Variants in PREX1 observed in about 807,000 individuals in gnomAD.
The protein encoded by PREX1 is phosphatidylinositol-3,4,5-trisphosphate dependent Rac exchange factor 1, also known as phosphatidylinositol 3,4,5-trisphosphate-dependent Rac exchanger 1 protein.
A neutral mutation model predicts 198.3 loss-of-function variants in PREX1; 41 were observed. The observed-to-expected ratio is 0.21, with a 90% CI of 0.16 to 0.27. The LOEUF is 0.27. PREX1 is among the 10% of genes least tolerant of loss of function. The pLI is 1.00. For synonymous variants in PREX1, 843 were observed against 887.2 expected, an observed-to-expected ratio of 0.95 and a Z score of 0.89; for missense variants, 1,620 against 2,200.7, an observed-to-expected ratio of 0.74 and a Z score of 5.28.
chr20:48,637,595 G>T, intron 31 of PREX1, 116 bp downstream of exon 31: 1 of 1,065,726 alleles, frequency 9.4e-7, no homozygotes, highest in Non-Finnish European at 1.3e-6. Flanking sequence ...GCTCTTGGAG[G>T]GGCTCCAGGC....
At chr20:48,626,075 G>A (rs1418979552) in intron 39 of PREX1, 148 bp from the exon 40 acceptor site, 1 of 878,582 alleles carries the variant, frequency 1.1e-6, no homozygotes, top group Admixed American at 3.7e-5. Flanking sequence ...TATCTATGCT[G>A]TCCATGCCTT....
Position 48,772,734 on chromosome 20 carries a change from C to T in PREX1, c.220-24854G>A, listed in dbSNP as rs372885686. ...GGGCTAGGACTCACCCTGTCCACTG[C>T]CGTCCAGCCAGGATGGCCGCATGGC... On this transcript the variant is annotated intron_variant, in intron 1 of 39. Coordinates refer to ENST00000371941, the MANE Select transcript of PREX1 (RefSeq NM_020820.4). Among the ~76,000 whole-genome samples, 99 of 152,306 alleles carry T rather than the reference C, an allele frequency of 6.5e-4. No individual in the cohort carries two copies. The Middle Eastern group carries it at 0.014, about 21-fold the overall frequency.
intron 3 of PREX1, among the ~76,000 whole-genome samples, chr20:48,743,371 C>T (rs1478629836): frequency 1.3e-5 from 2 of 152,214 alleles, no homozygotes; most frequent in Non-Finnish European, 2.9e-5. Flanking sequence ...ACCATCTCCA[C>T]TGCTACCATG....
chr20:48,794,090 G>A (rs1163556591), intron 1 of PREX1, among the ~76,000 whole-genome samples: 1 of 152,158 alleles, frequency 6.6e-6, no homozygotes, highest in East Asian at 1.9e-4. Flanking sequence ...AGAGTGGGAG[G>A]ACCCCCTTAT....
intron 1 of PREX1, among the ~76,000 whole-genome samples, 195 bp from the exon 2 acceptor site, chr20:48,748,075 C>T (rs1407978540): frequency 4.6e-5 from 7 of 152,276 alleles, no homozygotes; most frequent in South Asian, 4.1e-4. Context: ...CACTCCCACA[C>T]GGTCACCAGG....
chr20:48,652,408 C>T (rs1360131005), intron 21 of PREX1, among the ~76,000 whole-genome samples, 178 bp downstream of exon 21: 1 of 151,954 alleles, frequency 6.6e-6, no homozygotes, highest in Non-Finnish European at 1.5e-5. Flanking sequence ...ACACTACACT[C>T]CAGCCTGGGT....
At chr20:48,697,095 C>CA (rs1568828815) in intron 7 of PREX1, among the ~76,000 whole-genome samples, 1 of 151,976 alleles carries the variant, frequency 6.6e-6, no homozygotes, top group Non-Finnish European at 1.5e-5. Context: ...GAAGTTAAGA[C>CA]AAAAAACAAG....
chr20:48,727,787 A>C (rs527934522), intron 4 of PREX1, among the ~76,000 whole-genome samples: 1 of 152,164 alleles, frequency 6.6e-6, no homozygotes. Context: ...CCTGCTCTCA[A>C]TTCCCAGGAC....
Position 48,772,302 on chromosome 20 carries a change from T to C in PREX1, c.220-24422A>G, listed in dbSNP as rs530733877. On this transcript the variant is annotated intron_variant, in intron 1 of 39. Transcript: ENST00000371941. Reference sequence around the variant, plus strand: ...GTTCCAGAAAGCTGGGCCAGGTTTCTTGGGTGGCACAGGTATGGCCCTGCA... The same window carrying C: ...GTTCCAGAAAGCTGGGCCAGGTTTCCTGGGTGGCACAGGTATGGCCCTGCA... 1.2e-4 allele frequency among the ~76,000 whole-genome samples: 18 copies of C among 152,382 alleles called. No homozygotes were observed. In the East Asian group the frequency reaches 3.3e-3, roughly 28 times the overall value.
chr20:48,636,765 G>A, intron 31 of PREX1, 82 bp from the exon 32 acceptor site: 2 of 1,268,512 alleles, frequency 1.6e-6, no homozygotes. Context: ...CCTGGGTCCA[G>A]GACCCCTCAT....
intron 14 of PREX1, among the ~76,000 whole-genome samples, chr20:48,673,080 C>T (rs2089686721): frequency 2.6e-5 from 4 of 152,024 alleles, no homozygotes; most frequent in Admixed American, 6.6e-5. Context: ...TCCCTACACT[C>T]TCTTCTAACC....
intron 15 of PREX1, among the ~76,000 whole-genome samples, chr20:48,662,037 A>T (rs2089600899): frequency 6.6e-6 from 1 of 152,124 alleles, no homozygotes; most frequent in Non-Finnish European, 1.5e-5. Context: ...CTTTTTCTGG[A>T]TGTGGTGACT....
At chr20:48,801,376 G>A (rs903533283) in intron 1 of PREX1, among the ~76,000 whole-genome samples, 1 of 152,184 alleles carries the variant, frequency 6.6e-6, no homozygotes, top group African/African-American at 2.4e-5. Flanking sequence ...GACCACACCA[G>A]GCCTGACAAC....
Position 48,653,517 on chromosome 20 carries a change from A to G in PREX1, c.2210-20T>C. The G allele has an allele frequency of 6.3e-7, 1 of 1,592,016 alleles. No individual in the cohort carries two copies. The highest frequency in any genetic ancestry group is 1.1e-5 in the South Asian group (1 of 90,752). On this transcript the variant is annotated intron_variant, in intron 19 of 39. Transcript: ENST00000371941. ...CAGAGCCTAAGGGGAACAGGAGCAC[A>G]TGAGGCTGGATGCCAGGCAAGTACA...
intron 1 of PREX1, among the ~76,000 whole-genome samples, chr20:48,764,697 G>A (rs1415753917): frequency 6.6e-6 from 1 of 150,416 alleles, no homozygotes; most frequent in Admixed American, 6.7e-5. Flanking sequence ...CGTGAGAATT[G>A]CTTGAACACG....
At chr20:48,846,634 C>T in the PREX1 span, among the ~76,000 whole-genome samples, 12 of 152,294 alleles carry the variant, frequency 7.9e-5, no homozygotes, top group African/African-American at 2.9e-4. Context: ...ACTTTGTAGA[C>T]GCTCCCTGGA....
At chr20:48,772,008 A>G (rs2090238322) in intron 1 of PREX1, among the ~76,000 whole-genome samples, 1 of 152,124 alleles carries the variant, frequency 6.6e-6, no homozygotes, top group African/African-American at 2.4e-5. Context: ...ACCCTGGCCA[A>G]CATGGTGAAA....
intron 1 of PREX1, among the ~76,000 whole-genome samples, chr20:48,793,167 G>A (rs2090346206): frequency 6.6e-6 from 1 of 152,172 alleles, no homozygotes; most frequent in Non-Finnish European, 1.5e-5. Flanking sequence ...TCGTGCCACT[G>A]CACTCCATCC....
At chr20:48,772,416 C>T (rs1242016131) in intron 1 of PREX1, among the ~76,000 whole-genome samples, 2 of 152,166 alleles carry the variant, frequency 1.3e-5, no homozygotes, top group African/African-American at 4.8e-5. Context: ...CCCTGTGACA[C>T]TGGGTGAGAC....
Sources: gnomAD v4.1 joint callset for allele counts (sites outside exome capture counted in the v4.1 genomes callset) on GRCh38, gnomAD v4.1.1 for gene constraint, MANE v1.5 for transcripts, NCBI Gene and HGNC (gene_info 2026-07-23, HGNC 2026-07-21) for gene names.